EML5: variants seen among roughly 807,000 people sequenced by gnomAD.
EML5 encodes the protein EMAP like 5, also known as echinoderm microtubule-associated protein-like 5.
EML5 carries 120 observed loss-of-function variants against 250.0 expected under a neutral mutation model. The ratio of observed to expected loss-of-function variants is 0.48; its 90% CI spans 0.41 to 0.56. The LOEUF is 0.56. Among genes scored for constraint, EML5 ranks in the 20% least tolerant of loss-of-function variants. The pLI is 0.00. For missense variants in EML5, 2,006 were observed against 2,437.6 expected, an observed-to-expected ratio of 0.82 and a Z score of 3.73; for synonymous variants, 771 against 806.5, an observed-to-expected ratio of 0.96 and a Z score of 0.75.
chr14:88,658,524 C>T (rs1186791314), intron 25 of EML5, 136 bp from the exon 26 acceptor site: 2 of 681,976 alleles, frequency 2.9e-6, no homozygotes, highest in Non-Finnish European at 4.6e-6. Flanking sequence ...TGAGAAAATA[C>T]TGAAACTCAG....
rs763910996 is a variant in EML5, at chr14:88,726,623, T to C, written c.1105A>G (p.Ile369Val). Residue 369 changes from isoleucine to valine, a missense_variant, in exon 8 of 44, where the codon ATT becomes GTT. By Grantham distance (29) the Ile-to-Val change is conservative. Coordinates refer to ENST00000554922, the MANE Select transcript of EML5 (RefSeq NM_183387.3). Reference protein sequence around the residue: ...LIARCNMEEPIRCAAVNADGI... With the variant: ...LIARCNMEEPVRCAAVNADGI... ...TCTGCATTGACAGCTGCACAACGAA[T>C]TGGTTCTTCCATATTACACCTTGCT... is the stretch of plus-strand genomic sequence containing the variant. 1 of 1,579,518 alleles carries C rather than the reference T, an allele frequency of 6.3e-7. No homozygotes were observed. Among genetic ancestry groups the C allele is most frequent in the East Asian group, 2.3e-5 (1 of 43,586 alleles).
chr14:88,679,882 TA>T (rs1349444454), intron 21 of EML5, among the ~76,000 whole-genome samples: 1 of 152,134 alleles, frequency 6.6e-6, no homozygotes, highest in Non-Finnish European at 1.5e-5. Flanking sequence ...GAATAGTGTA[TA>T]GTATAGTGTA....
At position 88,687,210 on chromosome 14, in the gene EML5, A is replaced by T; in HGVS notation, c.2854+6T>A. 2 of 1,599,442 alleles carry T rather than the reference A, an allele frequency of 1.3e-6. No individual in the cohort carries two copies. Among genetic ancestry groups the T allele is most frequent in the Non-Finnish European group, 1.7e-6 (2 of 1,173,146 alleles). The stretch of plus-strand genomic sequence containing the variant: ...TATACAAAAACCCCACTAAGTCTCA[A>T]ATCACCTTTAGATCCTGGGGCCAAT... On this transcript the variant is annotated splice_donor_region_variant and intron_variant, in intron 19 of 43. Transcript: ENST00000554922.
chr14:88,688,520 C>T (rs1406453862), intron 17 of EML5, 47 bp from the exon 18 acceptor site: 3 of 1,584,894 alleles, frequency 1.9e-6, no homozygotes, highest in African/African-American at 2.7e-5. Flanking sequence ...AAAATGTACT[C>T]AATTATAAAG....
intron 1 of EML5, among the ~76,000 whole-genome samples, chr14:88,757,171 A>C (rs2094172090): frequency 6.6e-6 from 1 of 152,220 alleles, no homozygotes; most frequent in African/African-American, 2.4e-5. Context: ...AAACCCATAC[A>C]TTTGTGGTCA....
At chr14:88,734,713 T>C (rs1477521470) in intron 7 of EML5, among the ~76,000 whole-genome samples, 2 of 152,122 alleles carry the variant, frequency 1.3e-5, no homozygotes, top group Non-Finnish European at 2.9e-5. Context: ...AATTCATAAC[T>C]GTATCTCATC....
chr14:88,627,097 C>A (rs2090029360), intron 34 of EML5, 51 bp from the exon 35 acceptor site: 4 of 1,562,472 alleles, frequency 2.6e-6, no homozygotes, highest in Non-Finnish European at 2.6e-6. Context: ...CCAAGCTAAT[C>A]AACAGCATCA....
At chr14:88,638,684 T>C in intron 32 of EML5, 125 bp downstream of exon 32, 1 of 789,256 alleles carries the variant, frequency 1.3e-6, no homozygotes, top group Non-Finnish European at 2.0e-6. Context: ...GGGTAGGGCT[T>C]TATGTATACA....
In EML5 at chr14:88,729,883, G is replaced by T. The variant is rs28770500; in HGVS notation, c.1050-3205C>A. On this transcript the variant is annotated intron_variant, in intron 7 of 43. Coordinates refer to ENST00000554922, the MANE Select transcript of EML5 (RefSeq NM_183387.3). ...GTCTTGTTTTTTGTTTTTTTTTTTT[G>T]TTTTTTTAATGTATTGTCTATGGCT... 8.1e-3 allele frequency among the ~76,000 whole-genome samples: 1,100 copies of T among 136,390 alleles called. 12 individuals are homozygous for T. Among genetic ancestry groups the T allele is most frequent in the African/African-American group, 0.027 (1,009 of 36,848 alleles). 89.5% of individuals were successfully genotyped at this position (136,390 alleles called of 152,430 possible).
At position 88,622,591 on chromosome 14, in the gene EML5, T is replaced by A. The variant is rs1390883934; in HGVS notation, c.5013+13A>T. 4.4e-6 allele frequency: 7 copies of A among 1,585,296 alleles called. No individual in the cohort carries two copies. The highest frequency in any genetic ancestry group is 1.4e-5 in the African/African-American group (1 of 73,814). On this transcript the variant is annotated intron_variant, in intron 37 of 43. Coordinates refer to ENST00000554922, the MANE Select transcript of EML5 (RefSeq NM_183387.3). ...TTTTCTGCTGCACTGTATCAGCTCA[T>A]GGAACATCTTACTTTGCCTCTGCAC...
At chr14:88,755,473 T>C (rs895115490) in intron 1 of EML5, among the ~76,000 whole-genome samples, 8 of 151,940 alleles carry the variant, frequency 5.3e-5, no homozygotes, top group African/African-American at 1.9e-4. Flanking sequence ...AGGTCACCCA[T>C]AATTCGCAAA....
chr14:88,620,710 A>G lies in EML5; in HGVS notation c.5375+44T>C. 7.1e-7 allele frequency: 1 copy of G among 1,407,584 alleles called. No individual in the cohort carries two copies. 87.2% of individuals were successfully genotyped at this position (1,407,584 alleles called of 1,614,324 possible). ...ATGGAAAATTTTACAAATGGAAGTT[A>G]AATCAAGTATATACTAGAAACTCTA... On this transcript the variant is annotated intron_variant, in intron 39 of 43. Transcript: ENST00000554922. This position sits in a 1 kb window ranked among gnomAD's most constrained non-coding sequence, Gnocchi z 4.3.
At chr14:88,751,462 G>T (rs928220501) in intron 2 of EML5, among the ~76,000 whole-genome samples, 2 of 152,088 alleles carry the variant, frequency 1.3e-5, no homozygotes, top group African/African-American at 2.4e-5. Flanking sequence ...CTGGAAAGCG[G>T]CAAGAGACAA....
Position 88,687,262 on chromosome 14 carries a change from G to A in EML5, c.2808C>T (p.Leu936=). The change falls in exon 19 of 44, where the codon CTC becomes CTT. Residue 936 remains leucine, a synonymous_variant. Coordinates refer to ENST00000554922, the MANE Select transcript of EML5 (RefSeq NM_183387.3). ...CAGCTCTTTTTATAGCATAGGTCTTGAGACATCTTTCAAAAGAGTCATCCC... is the reference window on the plus strand; with the variant it reads ...CAGCTCTTTTTATAGCATAGGTCTTAAGACATCTTTCAAAAGAGTCATCCC... ...ALWDDSFERC[L]KTYAIKRAAL... The A allele has an allele frequency of 2.5e-6, 4 of 1,612,242 alleles. No individual in the cohort carries two copies. The highest frequency in any genetic ancestry group is 3.4e-6 in the Non-Finnish European group (4 of 1,179,294).
chr14:88,647,687 C>CAAAAAAAAAAAAAAAAAAAAAAAA (rs34191990), intron 28 of EML5, among the ~76,000 whole-genome samples: 7 of 48,754 alleles, frequency 1.4e-4, no homozygotes, highest in African/African-American at 5.2e-4. Flanking sequence ...GAGACCGTCT[C>CAAAAAAAAAAAAAAAAAAAAAAAA]AAAAAAAAAA....
intron 10 of EML5, among the ~76,000 whole-genome samples, chr14:88,709,781 G>A (rs2093374070): frequency 6.6e-6 from 1 of 152,070 alleles, no homozygotes; most frequent in Non-Finnish European, 1.5e-5. Flanking sequence ...AATGACAGGA[G>A]AATAAATGCA....
At chr14:88,678,821 A>G (rs1168381968) in intron 21 of EML5, among the ~76,000 whole-genome samples, 2 of 152,190 alleles carry the variant, frequency 1.3e-5, no homozygotes, top group Non-Finnish European at 2.9e-5. Context: ...TGGAATATGA[A>G]CACAGTATTG....
intron 7 of EML5, among the ~76,000 whole-genome samples, chr14:88,730,704 T>C (rs1366157670): frequency 2.0e-5 from 3 of 152,214 alleles, no homozygotes; most frequent in Non-Finnish European, 4.4e-5. Context: ...CTTTTATGAA[T>C]AGTCTGCATG....
rs2093092644 is a variant in EML5, at chr14:88,696,910, T to C, written c.2281A>G (p.Ile761Val). ...PSIHIWDTET[I>V]KPLSILKGHH... is the part of the protein sequence containing the mutation. ...CCCTTTAATATGGACAATGGTTTAATGGTCTCTGTATCCCATATATGAATT... is the reference window on the plus strand; with the variant it reads ...CCCTTTAATATGGACAATGGTTTAACGGTCTCTGTATCCCATATATGAATT... Residue 761 changes from isoleucine (I) to valine (V), a missense_variant, in exon 15 of 44, where the codon ATT becomes GTT. Coordinates refer to ENST00000554922, the MANE Select transcript of EML5 (RefSeq NM_183387.3). The C allele has an allele frequency of 1.2e-6, 2 of 1,610,066 alleles. No individual in the cohort carries two copies. The highest frequency in any genetic ancestry group is 1.1e-5 in the South Asian group (1 of 90,270).
Sources: gnomAD v4.1 joint callset for allele counts (sites outside exome capture counted in the v4.1 genomes callset) on GRCh38, gnomAD v4.1.1 for gene constraint, Gnocchi (gnomAD v3.1) non-coding constraint, MANE v1.5 for transcripts, NCBI Gene and HGNC (gene_info 2026-07-23, HGNC 2026-07-21) for gene names.